The following L3MBTL4 variants were observed in gnomAD, a reference collection of about 807,000 sequenced individuals.
L3MBTL4 encodes the protein lethal(3)malignant brain tumor-like protein 4.
A neutral mutation model predicts 84.5 loss-of-function variants in L3MBTL4; 70 were observed. That is an observed-to-expected ratio of 0.83 (90% CI 0.68 to 1.01). The LOEUF (loss-of-function observed/expected upper bound fraction) is 1.01. Among genes scored for constraint, L3MBTL4 ranks in the 50% least tolerant of loss-of-function variants. The probability of loss-of-function intolerance (pLI) is 0.00; values close to 1 mark genes in which losing one functional copy is unlikely to be tolerated. For synonymous variants in L3MBTL4, 274 were observed against 259.8 expected, an observed-to-expected ratio of 1.05 and a Z score of -0.52; for missense variants, 715 against 754.8, an observed-to-expected ratio of 0.95 and a Z score of 0.62.
chr18:6,290,546 G>C (rs1328086322), intron 4 of L3MBTL4, among the ~76,000 whole-genome samples: 2 of 143,402 alleles, frequency 1.4e-5, no homozygotes, highest in Non-Finnish European at 1.5e-5. Context: ...TTAATTTTTT[G>C]AGACAGAGTC....
At chr18:6,271,259 G>A (rs1423766295) in intron 4 of L3MBTL4, among the ~76,000 whole-genome samples, 1 of 152,164 alleles carries the variant, frequency 6.6e-6, no homozygotes, top group Non-Finnish European at 1.5e-5. Context: ...GCAAAAACAT[G>A]TTAAGTATTT....
chr18:6,191,480 G>A (rs1322387138), intron 12 of L3MBTL4, among the ~76,000 whole-genome samples: 1 of 152,206 alleles, frequency 6.6e-6, no homozygotes, highest in Non-Finnish European at 1.5e-5. Flanking sequence ...GAAAGGGTTA[G>A]AGAGGAAGAT....
chr18:6,181,473 G>A (rs972651447), intron 12 of L3MBTL4, among the ~76,000 whole-genome samples: 9 of 151,728 alleles, frequency 5.9e-5, no homozygotes, highest in Admixed American at 1.3e-4. Flanking sequence ...TTACAGGTGC[G>A]TGCCACCATG....
At chr18:6,271,628 T>A (rs115298460) in intron 4 of L3MBTL4, among the ~76,000 whole-genome samples, 170 of 152,238 alleles carry the variant, frequency 1.1e-3, no homozygotes, top group African/African-American at 4.0e-3. Flanking sequence ...AAAACACACA[T>A]TCTTAGCAAA....
chr18:6,288,856 T>C (rs995009819), intron 4 of L3MBTL4, among the ~76,000 whole-genome samples: 4 of 151,610 alleles, frequency 2.6e-5, no homozygotes, highest in African/African-American at 9.7e-5. Context: ...ATTTAAAATA[T>C]TAAATTTATA....
chr18:6,345,224 A>G lies in L3MBTL4; in HGVS notation c.-90-33168T>C, dbSNP rs935592233. On this transcript the variant is annotated intron_variant, in intron 1 of 18. Coordinates refer to ENST00000317931, the MANE Select transcript of L3MBTL4 (RefSeq NM_001330559.2). ...CATCTCTACTAAAATACAAAAAAAA[A>G]AAAAAAAAAAAAGAAAAAAAAAAAG... Among the ~76,000 whole-genome samples the G allele has an allele frequency of 6.0e-5, 8 of 132,908 alleles. 1 individual carries two copies. The South Asian group carries it at 1.4e-3, about 23-fold the overall frequency. 87.2% of individuals were successfully genotyped at this position (132,908 alleles called of 152,430 possible).
chr18:6,105,183 A>ATTT (rs869169400), intron 14 of L3MBTL4, among the ~76,000 whole-genome samples: 113 of 100,376 alleles, frequency 1.1e-3, no homozygotes, highest in East Asian at 1.6e-3. Context: ...AACACCACCA[A>ATTT]TTTTTTTTTT....
intron 1 of L3MBTL4, among the ~76,000 whole-genome samples, chr18:6,343,282 A>G (rs189629540): frequency 2.1e-3 from 321 of 152,358 alleles, no homozygotes; most frequent in African/African-American, 7.3e-3. Flanking sequence ...CAATAGCAGC[A>G]GAATACACAT....
At position 6,349,909 on chromosome 18, in the gene L3MBTL4, A is replaced by G. The variant is rs56118402; in HGVS notation, c.-90-37853T>C. On this transcript the variant is annotated intron_variant, in intron 1 of 18. Coordinates refer to ENST00000317931, the MANE Select transcript of L3MBTL4 (RefSeq NM_001330559.2). The stretch of plus-strand genomic sequence containing the variant: ...TTCTTGATCTGAATGCTGGTTTTCC[A>G]GATGTGTTCACTTCATAAAAAAAAT... Among the ~76,000 whole-genome samples the G allele has an allele frequency of 7.3e-3, 1,119 of 152,258 alleles. 11 individuals are homozygous for G. Among genetic ancestry groups the G allele is most frequent in the Non-Finnish European group, 0.013 (903 of 68,008 alleles).
At chr18:6,189,736 A>C (rs1156936677) in intron 12 of L3MBTL4, among the ~76,000 whole-genome samples, 1 of 152,232 alleles carries the variant, frequency 6.6e-6, no homozygotes, top group Non-Finnish European at 1.5e-5. Context: ...TCCATATCTG[A>C]AATTAAGAAT....
At position 6,227,355 on chromosome 18, in the gene L3MBTL4, A is replaced by G. The variant is rs188306612; in HGVS notation, c.784+10609T>C. On this transcript the variant is annotated intron_variant, in intron 10 of 18. Coordinates refer to ENST00000317931, the MANE Select transcript of L3MBTL4 (RefSeq NM_001330559.2). Reference sequence around the variant, plus strand: ...ATACACATTGTTTTCATGGATGTGTAACATTCACAAGAAAAAACACATTCT... The same window carrying G: ...ATACACATTGTTTTCATGGATGTGTGACATTCACAAGAAAAAACACATTCT... Among the ~76,000 whole-genome samples, 3 of 152,322 alleles carry G rather than the reference A, an allele frequency of 2.0e-5. No individual in the cohort carries two copies. The East Asian group carries it at 5.8e-4, about 29-fold the overall frequency.
chr18:6,148,449 C>T (rs926643244), intron 13 of L3MBTL4, among the ~76,000 whole-genome samples: 12 of 152,022 alleles, frequency 7.9e-5, no homozygotes, highest in Non-Finnish European at 1.8e-4. Context: ...TTTTATGAGA[C>T]TTGTTGGCTG....
At chr18:6,388,107 C>A (rs1000816553) in intron 1 of L3MBTL4, among the ~76,000 whole-genome samples, 2 of 152,032 alleles carry the variant, frequency 1.3e-5, no homozygotes, top group African/African-American at 4.8e-5. Context: ...TTAAAAAGAG[C>A]TATGATGTGA....
intron 13 of L3MBTL4, among the ~76,000 whole-genome samples, chr18:6,152,828 T>C (rs1445461289): frequency 4.6e-5 from 7 of 152,164 alleles, no homozygotes; most frequent in Admixed American, 4.6e-4. Context: ...TTGATAAAGC[T>C]TTTCCTTATG....
chr18:6,048,090 G>A (rs1285421539), intron 16 of L3MBTL4, among the ~76,000 whole-genome samples: 2 of 152,160 alleles, frequency 1.3e-5, no homozygotes, highest in Non-Finnish European at 2.9e-5. Context: ...AGAAAAATCA[G>A]TAGCATTTGT....
chr18:6,100,423 T>A (rs1449133837), intron 14 of L3MBTL4, among the ~76,000 whole-genome samples: 1 of 152,260 alleles, frequency 6.6e-6, no homozygotes, highest in East Asian at 1.9e-4. Context: ...TTAAAATTGC[T>A]TGTTGAATCA....
intron 16 of L3MBTL4, among the ~76,000 whole-genome samples, chr18:6,008,514 T>A (rs2054589823): frequency 6.6e-6 from 1 of 152,210 alleles, no homozygotes; most frequent in African/African-American, 2.4e-5. Flanking sequence ...AGTTCTTGCA[T>A]CCTCACGTGG....
intron 10 of L3MBTL4, among the ~76,000 whole-genome samples, chr18:6,226,766 G>C (rs1260904835): frequency 6.6e-6 from 1 of 151,718 alleles, no homozygotes; most frequent in Non-Finnish European, 1.5e-5. Flanking sequence ...CAATACTGAA[G>C]GTAAAATGGA....
intron 16 of L3MBTL4, among the ~76,000 whole-genome samples, chr18:5,976,653 A>G (rs1295406551): frequency 6.6e-6 from 1 of 152,148 alleles, no homozygotes; most frequent in African/African-American, 2.4e-5. Flanking sequence ...TGTTGGTTCC[A>G]TGGTTCATTT....
Sources: allele counts gnomAD v4.1 joint callset (sites outside exome capture counted in the v4.1 genomes callset), GRCh38; gene constraint gnomAD v4.1.1; transcripts MANE v1.5; gene names NCBI Gene and HGNC (gene_info 2026-07-23, HGNC 2026-07-21).